Variants in PDE4B observed in about 807,000 individuals in gnomAD.
The protein encoded by PDE4B is 3',5'-cyclic-AMP phosphodiesterase 4B.
Under a neutral mutation model 82.2 loss-of-function variants are expected in PDE4B, and 20 were observed. The ratio of observed to expected loss-of-function variants is 0.24; its 90% CI spans 0.17 to 0.35. PDE4B has a LOEUF of 0.35. Ranked by LOEUF, PDE4B falls within the 10% of genes least tolerant of loss-of-function variation. The pLI, the probability that PDE4B is intolerant of heterozygous loss-of-function variation, is 1.00. For missense variants in PDE4B, 655 were observed against 907.2 expected, an observed-to-expected ratio of 0.72 and a Z score of 3.57; for synonymous variants, 320 against 318.9, an observed-to-expected ratio of 1.00 and a Z score of -0.04.
chr1:66,274,336 T>A (rs1655724094), intron 7 of PDE4B, among the ~76,000 whole-genome samples: 1 of 151,938 alleles, frequency 6.6e-6, no homozygotes, highest in Non-Finnish European at 1.5e-5. Flanking sequence ...AATTTTTTTT[T>A]TTTTTTATAT....
At chr1:66,172,712 A>G (rs1038581271) in intron 3 of PDE4B, among the ~76,000 whole-genome samples, 2 of 152,164 alleles carry the variant, frequency 1.3e-5, no homozygotes, top group African/African-American at 4.8e-5. Context: ...TGATGTTGAG[A>G]AATTTTTAAA....
At chr1:66,055,936 A>G (rs1655270212) in intron 3 of PDE4B, among the ~76,000 whole-genome samples, 2 of 152,202 alleles carry the variant, frequency 1.3e-5, no homozygotes, top group Non-Finnish European at 2.9e-5. Context: ...TCACATTCAT[A>G]TTTCAACAGA....
intron 3 of PDE4B, among the ~76,000 whole-genome samples, chr1:66,086,247 A>G (rs1657003145): frequency 6.6e-6 from 1 of 152,178 alleles, no homozygotes; most frequent in African/African-American, 2.4e-5. Context: ...GCAATATGTG[A>G]GTGTAAGATG....
At chr1:66,042,045 A>G (rs999778843) in intron 3 of PDE4B, among the ~76,000 whole-genome samples, 4 of 151,966 alleles carry the variant, frequency 2.6e-5, no homozygotes, top group Non-Finnish European at 5.9e-5. Flanking sequence ...ACAAAAGTTT[A>G]AAGATATATT....
At chr1:66,134,702 A>C (rs889307780) in intron 3 of PDE4B, among the ~76,000 whole-genome samples, 2 of 152,208 alleles carry the variant, frequency 1.3e-5, no homozygotes, top group African/African-American at 4.8e-5. Context: ...TTGTTCTGAG[A>C]GTCAAATGAA....
At chr1:66,165,054 C>T (rs770624656) in intron 3 of PDE4B, among the ~76,000 whole-genome samples, 1 of 152,126 alleles carries the variant, frequency 6.6e-6, no homozygotes, top group African/African-American at 2.4e-5. Context: ...AGCCACCACG[C>T]CTGGCCACTT....
At chr1:66,005,654 G>C (rs1652109996) in intron 3 of PDE4B, among the ~76,000 whole-genome samples, 1 of 152,080 alleles carries the variant, frequency 6.6e-6, no homozygotes, top group African/African-American at 2.4e-5. Flanking sequence ...CTACTTTTGG[G>C]TTTCACAAGG....
At chr1:66,095,442 T>C (rs1645096679) in intron 3 of PDE4B, among the ~76,000 whole-genome samples, 2 of 151,902 alleles carry the variant, frequency 1.3e-5, no homozygotes, top group African/African-American at 4.8e-5. Context: ...AAAGGAACTG[T>C]GTCACATAGC....
chr1:65,989,416 C>T (rs114707207), intron 3 of PDE4B, among the ~76,000 whole-genome samples: 18 of 152,032 alleles, frequency 1.2e-4, no homozygotes, highest in Non-Finnish European at 1.6e-4. Context: ...CGCTTGAACC[C>T]GGAGGCAGAG....
At position 66,230,596 on chromosome 1, in the gene PDE4B, A is replaced by G. The variant is rs185800796; in HGVS notation, c.282-16864A>G. Among the ~76,000 whole-genome samples, 423 of 152,376 alleles carry G rather than the reference A, an allele frequency of 2.8e-3. 1 individual carries two copies. The highest frequency in any genetic ancestry group is 4.9e-3 in the Non-Finnish European group (331 of 68,040). On this transcript the variant is annotated intron_variant, in intron 3 of 16. Transcript: ENST00000341517. ...TATCATTTCTGTTTTCCAAGATAGC[A>G]ATGAGATTTAATTTGCGCATCACAA...
At position 66,095,419 on chromosome 1, in the gene PDE4B, G is replaced by A. The variant is rs187086836; in HGVS notation, c.282-152041G>A. 4.6e-5 allele frequency among the ~76,000 whole-genome samples: 7 copies of A among 151,912 alleles called. No homozygotes were observed. The East Asian group carries it at 5.8e-4, about 13-fold the overall frequency. On this transcript the variant is annotated intron_variant, in intron 3 of 16. Transcript: ENST00000341517. Reference sequence around the variant, plus strand: ...GGCGCAATTACTGTAATTCTGGAGAGGAAACTAAGGTCAAAGGAACTGTGT... The same window carrying A: ...GGCGCAATTACTGTAATTCTGGAGAAGAAACTAAGGTCAAAGGAACTGTGT...
chr1:66,133,104 A>G (rs1295575817), intron 3 of PDE4B, among the ~76,000 whole-genome samples: 1 of 152,202 alleles, frequency 6.6e-6, no homozygotes, highest in Non-Finnish European at 1.5e-5. Flanking sequence ...TTTTGTTTAA[A>G]GTGAAAAAAA....
At chr1:65,843,550 T>G (rs1646233287) in intron 1 of PDE4B, among the ~76,000 whole-genome samples, 1 of 152,172 alleles carries the variant, frequency 6.6e-6, no homozygotes. Flanking sequence ...CATGGAAGAA[T>G]GTTCATTGGT....
chr1:66,005,532 G>A (rs1171167220), intron 3 of PDE4B, among the ~76,000 whole-genome samples: 1 of 152,072 alleles, frequency 6.6e-6, no homozygotes, highest in Non-Finnish European at 1.5e-5. Context: ...GCAACTTAAA[G>A]GCAGGAAAAA....
intron 3 of PDE4B, among the ~76,000 whole-genome samples, chr1:66,057,469 G>C (rs1167017511): frequency 6.6e-6 from 1 of 152,134 alleles, no homozygotes; most frequent in Non-Finnish European, 1.5e-5. Context: ...AAGCCTTTTT[G>C]AGGCTAATAC....
chr1:66,278,013 C>G (rs1323881274), intron 7 of PDE4B, among the ~76,000 whole-genome samples: 3 of 152,204 alleles, frequency 2.0e-5, no homozygotes, highest in Admixed American at 2.0e-4. Flanking sequence ...ACACTTAGAA[C>G]AGTGGCTGGC....
At chr1:66,133,128 A>G (rs1267599374) in intron 3 of PDE4B, among the ~76,000 whole-genome samples, 1 of 152,168 alleles carries the variant, frequency 6.6e-6, no homozygotes, top group East Asian at 1.9e-4. Flanking sequence ...GAGGAAGAGG[A>G]GGAAATTGGG....
intron 3 of PDE4B, among the ~76,000 whole-genome samples, chr1:66,192,893 C>T (rs377515128): frequency 6.6e-6 from 1 of 152,222 alleles, no homozygotes; most frequent in East Asian, 1.9e-4. Context: ...CTCAGTCTAT[C>T]TATATTTTGC....
At chr1:65,993,180 G>A in intron 3 of PDE4B, 1 of 1,475,944 alleles carries the variant, frequency 6.8e-7, no homozygotes, top group Non-Finnish European at 9.3e-7. Flanking sequence ...GTGCTTTTCA[G>A]ATTCTCGCAT....
Sources: gnomAD v4.1 joint callset for allele counts (sites outside exome capture counted in the v4.1 genomes callset) on GRCh38, gnomAD v4.1.1 for gene constraint, MANE v1.5 for transcripts, NCBI Gene and HGNC (gene_info 2026-07-23, HGNC 2026-07-21) for gene names.